The following ELP1 variants were observed in gnomAD, a reference collection of about 807,000 sequenced individuals.
ELP1 encodes the protein elongator complex protein 1.
Under a neutral mutation model 183.2 loss-of-function variants are expected in ELP1, and 131 were observed. That is an observed-to-expected ratio of 0.72 (90% CI 0.62 to 0.83). ELP1 has a LOEUF of 0.83. Among genes scored for constraint, ELP1 ranks in the 40% least tolerant of loss-of-function variants. The pLI is 0.00. For synonymous variants in ELP1, 555 were observed against 569.0 expected, an observed-to-expected ratio of 0.98 and a Z score of 0.35; for missense variants, 1,550 against 1,594.9, an observed-to-expected ratio of 0.97 and a Z score of 0.48.
chr9:108,922,714 G>A (rs1829689052), intron 6 of ELP1, 128 bp downstream of exon 6: 1 of 759,204 alleles, frequency 1.3e-6, no homozygotes, highest in Non-Finnish European at 2.4e-6. Flanking sequence ...GAAGGTTCTA[G>A]GCAGTTTTAC....
intron 34 of ELP1, 127 bp from the exon 35 acceptor site, chr9:108,878,276 CT>C: frequency 1.3e-6 from 1 of 790,892 alleles, no homozygotes; most frequent in Non-Finnish European, 2.1e-6. Context: ...CCCACATTAT[CT>C]TTTTTCTTCC....
intron 1 of ELP1, among the ~76,000 whole-genome samples, chr9:108,932,801 G>A (rs1184489203): frequency 6.6e-6 from 1 of 151,938 alleles, no homozygotes; most frequent in Non-Finnish European, 1.5e-5. Flanking sequence ...CAGGACCTAG[G>A]CCTATTAGTA....
chr9:108,887,456 C>A (rs1431511211), intron 29 of ELP1, among the ~76,000 whole-genome samples: 1 of 152,080 alleles, frequency 6.6e-6, no homozygotes, highest in Admixed American at 6.6e-5. Flanking sequence ...AGAGAATACA[C>A]CCAAGAGCTT....
chr9:108,905,868 TAC>T (rs35044796), intron 14 of ELP1, among the ~76,000 whole-genome samples: 66,493 of 147,816 alleles, frequency 0.45, 15,408 homozygotes, highest in Non-Finnish European at 0.53. Context: ...AAGGTATGTA[TAC>T]ACACACACAC....
intron 33 of ELP1, among the ~76,000 whole-genome samples, chr9:108,879,062 C>T (rs1827814629): frequency 6.6e-6 from 1 of 152,148 alleles, no homozygotes; most frequent in Non-Finnish European, 1.5e-5. Context: ...AGTGTTATGA[C>T]TTATTTTACA....
At chr9:108,903,249 C>A (rs1199728525) in intron 15 of ELP1, among the ~76,000 whole-genome samples, 3 of 151,984 alleles carry the variant, frequency 2.0e-5, no homozygotes, top group Non-Finnish European at 4.4e-5. Flanking sequence ...ACGACAGGCC[C>A]AGGTGTGTGA....
intron 36 of ELP1, among the ~76,000 whole-genome samples, chr9:108,871,032 G>A (rs1445600962): frequency 1.9e-5 from 2 of 104,946 alleles, no homozygotes; most frequent in African/African-American, 7.3e-5. Flanking sequence ...TTCCTTGATT[G>A]GCTGTCGTAA....
chr9:108,882,520 C>T (rs769311254), intron 29 of ELP1, among the ~76,000 whole-genome samples: 13 of 151,966 alleles, frequency 8.6e-5, no homozygotes, highest in Non-Finnish European at 1.9e-4. Flanking sequence ...TAGGTGGGCT[C>T]CAGAATTGTT....
chr9:108,931,192 T>C lies in ELP1; in HGVS notation c.-46A>G, dbSNP rs572010671. 5.1e-6 allele frequency: 8 copies of C among 1,559,902 alleles called. No individual in the cohort carries two copies. Among genetic ancestry groups the C allele is most frequent in the Non-Finnish European group, 7.1e-6 (8 of 1,130,692 alleles). ...ACAAGTACAACTATCCCTTGATGAATCATTAATCTCTAAGAGAAAAATAAA... is the reference window on the plus strand; with the variant it reads ...ACAAGTACAACTATCCCTTGATGAACCATTAATCTCTAAGAGAAAAATAAA... On this transcript the variant is annotated 5_prime_UTR_variant, in exon 2 of 37. Coordinates refer to ENST00000374647, the MANE Select transcript of ELP1 (RefSeq NM_003640.5).
rs907994989 is a variant in ELP1 at position 108,867,871 on chromosome 9, T to A, written c.*1244A>T. On this transcript the variant is annotated 3_prime_UTR_variant, in exon 37 of 37. Coordinates refer to ENST00000374647, the MANE Select transcript of ELP1 (RefSeq NM_003640.5). ...GCTATACTGGGAAAGGCTTCTTAAA[T>A]TACAATTTTGGCTATATCACTTCTT... The A allele has an allele frequency of 1.3e-5, 2 of 152,248 alleles. No individual in the cohort carries two copies. Among genetic ancestry groups the A allele is most frequent in the African/African-American group, 2.4e-5 (1 of 41,466 alleles). 9.4% of individuals were successfully genotyped at this position (152,248 alleles called of 1,614,324 possible). A position where few individuals can be genotyped will look rare whatever the true frequency, so the allele number is the denominator to read the frequency against.
chr9:108,930,515 C>T (rs1007720016), intron 2 of ELP1, among the ~76,000 whole-genome samples: 2 of 151,964 alleles, frequency 1.3e-5, no homozygotes, highest in African/African-American at 2.4e-5. Context: ...ACGGTGAAAC[C>T]GCACATCTAC....
chr9:108,893,500 A>G (rs1828419031), intron 26 of ELP1, among the ~76,000 whole-genome samples: 1 of 152,174 alleles, frequency 6.6e-6, no homozygotes, highest in Non-Finnish European at 1.5e-5. Context: ...GTAAAGAATC[A>G]CAACTGTTCC....
At chr9:108,904,289 G>T (rs1564090684) in intron 14 of ELP1, among the ~76,000 whole-genome samples, 1 of 143,380 alleles carries the variant, frequency 7.0e-6, no homozygotes, top group African/African-American at 2.5e-5. Context: ...TGTTGCCCAG[G>T]TTGAAATGCA....
At chr9:108,922,955 T>G in intron 5 of ELP1, 28 bp from the exon 6 acceptor site, 3 of 1,513,484 alleles carry the variant, frequency 2.0e-6, no homozygotes, top group Non-Finnish European at 2.8e-6. Context: ...AGACAACTAA[T>G]AAGCCACATG....
rs1260209333 is a variant in ELP1 at position 108,869,054 on chromosome 9, T to C, written c.*61A>G. 2 of 1,426,720 alleles carry C rather than the reference T, an allele frequency of 1.4e-6. No individual in the cohort carries two copies. The highest frequency in any genetic ancestry group is 2.8e-5 in the African/African-American group (2 of 71,166). 88.4% of individuals were successfully genotyped at this position (1,426,720 alleles called of 1,614,324 possible). A position where few individuals can be genotyped will look rare whatever the true frequency, so the allele number is the denominator to read the frequency against. ...CCAGCCCTCAAAGAGCAAGGGGTGG[T>C]AGGACAACAGGAATGAGTGGAAATG... On this transcript the variant is annotated 3_prime_UTR_variant, in exon 37 of 37. Coordinates refer to ENST00000374647, the MANE Select transcript of ELP1 (RefSeq NM_003640.5).
At chr9:108,889,289 T>C in intron 29 of ELP1, 43 bp downstream of exon 29, 2 of 1,549,554 alleles carry the variant, frequency 1.3e-6, no homozygotes, top group Non-Finnish European at 1.8e-6. Flanking sequence ...GAGAAGACCT[T>C]TCTTGCTGAC....
chr9:108,891,542 A>C lies in ELP1; in HGVS notation c.2959-138T>G. The stretch of plus-strand genomic sequence containing the variant: ...GGGAAAATCTTACAGTTGATCAGTT[A>C]GTACAGTCATTTTTTCATTCAAAAC... On this transcript the variant is annotated intron_variant, in intron 27 of 36. Transcript: ENST00000374647. 4 of 765,350 alleles carry C rather than the reference A, an allele frequency of 5.2e-6. No individual in the cohort carries two copies. In the South Asian group the frequency reaches 6.2e-5, roughly 12 times the overall value. 47.4% of individuals were successfully genotyped at this position (765,350 alleles called of 1,614,324 possible). A position where few individuals can be genotyped will look rare whatever the true frequency, so the allele number is the denominator to read the frequency against.
At chr9:108,892,630 T>C (rs946091678) in intron 27 of ELP1, among the ~76,000 whole-genome samples, 1 of 152,140 alleles carries the variant, frequency 6.6e-6, no homozygotes, top group Non-Finnish European at 1.5e-5. Flanking sequence ...GTGTGTGGTA[T>C]ATAAAAAAAG....
At chr9:108,913,382 C>A (rs1829306870) in intron 10 of ELP1, among the ~76,000 whole-genome samples, 1 of 152,168 alleles carries the variant, frequency 6.6e-6, no homozygotes, top group Non-Finnish European at 1.5e-5. Flanking sequence ...AAGACTTAAT[C>A]ATGCCAAAAC....
Sources: gnomAD v4.1 joint callset for allele counts (sites outside exome capture counted in the v4.1 genomes callset) on GRCh38, gnomAD v4.1.1 for gene constraint, MANE v1.5 for transcripts, NCBI Gene and HGNC (gene_info 2026-07-23, HGNC 2026-07-21) for gene names.